MYO1E: variants seen among roughly 807,000 people sequenced by gnomAD.
MYO1E encodes myosin IE.
In MYO1E, 68 loss-of-function variants were observed where a neutral mutation model predicts 151.1. The observed-to-expected ratio is 0.45, with a 90% CI of 0.37 to 0.55. The LOEUF (loss-of-function observed/expected upper bound fraction) is 0.55. Ranked by LOEUF, MYO1E falls within the 20% of genes least tolerant of loss-of-function variation. The probability of loss-of-function intolerance (pLI) is 0.00; values close to 1 mark genes in which losing one functional copy is unlikely to be tolerated. For missense variants in MYO1E, 1,363 were observed against 1,389.3 expected (o/e 0.98, Z 0.30); for synonymous variants, 601 against 501.7 (o/e 1.20, Z -2.64).
At chr15:59,206,473 C>A (rs1408862551) in intron 14 of MYO1E, among the ~76,000 whole-genome samples, 9 of 152,188 alleles carry the variant, frequency 5.9e-5, no homozygotes, top group African/African-American at 2.2e-4. Flanking sequence ...AAAGCAGGCG[C>A]CCAATTCTGG....
chr15:59,240,628 A>G (rs1037580566), intron 4 of MYO1E, among the ~76,000 whole-genome samples: 1 of 152,184 alleles, frequency 6.6e-6, no homozygotes, highest in Admixed American at 6.5e-5. Context: ...GATATTCCCT[A>G]AAATAAGTAG....
chr15:59,168,477 C>T (rs1007648589), intron 22 of MYO1E, among the ~76,000 whole-genome samples: 17 of 151,886 alleles, frequency 1.1e-4, no homozygotes, highest in African/African-American at 1.9e-4. Context: ...ACCTGGAGGG[C>T]GAGGCTGCAG....
intron 17 of MYO1E, among the ~76,000 whole-genome samples, chr15:59,192,876 T>A (rs1307047042): frequency 5.3e-5 from 8 of 151,942 alleles, no homozygotes; most frequent in Non-Finnish European, 1.0e-4. Context: ...CAAGTGTGGG[T>A]ATGTGTGAGA....
Position 59,202,405 on chromosome 15 carries a change from G to T in MYO1E, c.1619C>A (p.Pro540His), listed in dbSNP as rs751350209. The T allele has an allele frequency of 1.2e-6, 2 of 1,613,626 alleles. No individual in the cohort carries two copies. Among genetic ancestry groups the T allele is most frequent in the East Asian group, 4.5e-5 (2 of 44,894 alleles). ...LIELMQSSEL[P>H]FIKSLFPENL... Reference sequence around the variant, plus strand: ...TTCCGGAAATAAAGACTTTATGAAAGGCCTGGAAAAGGAGAAAGAGAATGA... The same window carrying T: ...TTCCGGAAATAAAGACTTTATGAAATGCCTGGAAAAGGAGAAAGAGAATGA... Residue 540 changes from proline to histidine, a missense_variant and splice_region_variant, in exon 16 of 28, where the codon CCT (proline) becomes CAT (histidine). Transcript: ENST00000288235.
chr15:59,169,721 C>A lies in MYO1E; in HGVS notation c.2480+2176G>T, dbSNP rs139435255. 3.6e-3 allele frequency among the ~76,000 whole-genome samples: 543 copies of A among 152,232 alleles called. 4 individuals are homozygous for A. The highest frequency in any genetic ancestry group is 0.013 in the African/African-American group (522 of 41,520). On this transcript the variant is annotated intron_variant, in intron 22 of 27. Coordinates refer to ENST00000288235, the MANE Select transcript of MYO1E (RefSeq NM_004998.4). ...CTGGTGCTCCCATGACAGATTATAT[C>A]CCCAGAGGCTGTAAAAGAAGACAAT... is the stretch of plus-strand genomic sequence containing the variant.
intron 25 of MYO1E, among the ~76,000 whole-genome samples, chr15:59,154,258 A>G (rs941363077): frequency 3.9e-5 from 6 of 152,086 alleles, no homozygotes; most frequent in Admixed American, 3.9e-4. Flanking sequence ...CTGGACATCC[A>G]TTTTCGAGGG....
Position 59,319,303 on chromosome 15 carries a change from T to C in MYO1E, c.4-46854A>G, listed in dbSNP as rs540394711. Among the ~76,000 whole-genome samples, 3 of 152,118 alleles carry C rather than the reference T, an allele frequency of 2.0e-5. No individual in the cohort carries two copies. In the South Asian group the frequency reaches 6.2e-4, roughly 32 times the overall value. ...TCTAGCCTGGGCAACAGAGCAAGTC[T>C]CCATCTGAAAAAACGAAAAAAAGAA... On this transcript the variant is annotated intron_variant, in intron 1 of 27. Transcript: ENST00000288235.
At chr15:59,370,301 C>T (rs900087476) in intron 1 of MYO1E, among the ~76,000 whole-genome samples, 3 of 152,172 alleles carry the variant, frequency 2.0e-5, no homozygotes, top group African/African-American at 4.8e-5. Context: ...AATATTGTAA[C>T]TTGGGTTTCT....
Position 59,262,343 on chromosome 15 carries a change from G to A in MYO1E, c.148-834C>T, listed in dbSNP as rs556412542. 5.3e-5 allele frequency among the ~76,000 whole-genome samples: 8 copies of A among 152,280 alleles called. No homozygotes were observed. In the East Asian group the frequency reaches 1.5e-3, roughly 29 times the overall value. On this transcript the variant is annotated intron_variant, in intron 2 of 27. Coordinates refer to ENST00000288235, the MANE Select transcript of MYO1E (RefSeq NM_004998.4). ...TGAGGTAATTTTCTGGCCAGGTGCAGTGGCTCATGCCTGTCTGTACTCCCA... is the reference window on the plus strand; with the variant it reads ...TGAGGTAATTTTCTGGCCAGGTGCAATGGCTCATGCCTGTCTGTACTCCCA...
chr15:59,197,469 G>A (rs2079774877), intron 16 of MYO1E, among the ~76,000 whole-genome samples: 1 of 152,232 alleles, frequency 6.6e-6, no homozygotes, highest in Non-Finnish European at 1.5e-5. Flanking sequence ...CATTTACTGA[G>A]TTTGCAGTGC....
Position 59,372,603 on chromosome 15 carries a change from C to T in MYO1E, c.-103G>A. The T allele has an allele frequency of 7.0e-7, 1 of 1,422,162 alleles. No homozygotes were observed. Among genetic ancestry groups the T allele is most frequent in the Non-Finnish European group, 9.5e-7 (1 of 1,053,334 alleles). 88.1% of individuals were successfully genotyped at this position (1,422,162 alleles called of 1,614,324 possible). ...AACTTCAAAAGTTGGTTCCCCTCGC[C>T]AAAAACAGGCTCCCGACACCCAAGC... On this transcript the variant is annotated 5_prime_UTR_variant, in exon 1 of 28. Coordinates refer to ENST00000288235, the MANE Select transcript of MYO1E (RefSeq NM_004998.4).
chr15:59,302,527 G>GA (rs750808094), intron 1 of MYO1E, among the ~76,000 whole-genome samples: 3 of 152,150 alleles, frequency 2.0e-5, no homozygotes, highest in African/African-American at 4.8e-5. Context: ...AGGCCAGGAG[G>GA]AAAAGTTCTG....
At chr15:59,152,016 C>T (rs1355853681) in intron 26 of MYO1E, among the ~76,000 whole-genome samples, 3 of 151,376 alleles carry the variant, frequency 2.0e-5, no homozygotes, top group African/African-American at 2.4e-5. Context: ...TGCAGTGAGC[C>T]GAGATTGTGG....
chr15:59,355,313 A>C (rs1183962745), intron 1 of MYO1E, among the ~76,000 whole-genome samples: 2 of 152,168 alleles, frequency 1.3e-5, no homozygotes, highest in Non-Finnish European at 2.9e-5. Flanking sequence ...CAACTCCTCC[A>C]TTCCTTGTCT....
chr15:59,160,336 CGT>C (rs55633634), intron 24 of MYO1E, among the ~76,000 whole-genome samples: 51,289 of 119,752 alleles, frequency 0.43, 10,545 homozygotes, highest in South Asian at 0.55. Context: ...TGAGGTAGTG[CGT>C]GTGTGTGTGT....
Position 59,350,327 on chromosome 15 carries a change from C to T in MYO1E, c.3+22171G>A, listed in dbSNP as rs1312435438. On this transcript the variant is annotated intron_variant, in intron 1 of 27. Transcript: ENST00000288235. The surrounding 1 kb of genome is among the most constrained non-coding windows in gnomAD (Gnocchi z 5.0). ...ACACTCCAGCTAGAGGATACACTGACTCACAGTTTCATTACCTTCTATTCA... is the reference window on the plus strand; with the variant it reads ...ACACTCCAGCTAGAGGATACACTGATTCACAGTTTCATTACCTTCTATTCA... Among the ~76,000 whole-genome samples, 2 of 152,214 alleles carry T rather than the reference C, an allele frequency of 1.3e-5. No homozygotes were observed. Among genetic ancestry groups the T allele is most frequent in the Admixed American group, 1.3e-4 (2 of 15,286 alleles).
chr15:59,348,207 G>C (rs1301754179), intron 1 of MYO1E, among the ~76,000 whole-genome samples: 4 of 152,128 alleles, frequency 2.6e-5, no homozygotes, highest in Non-Finnish European at 4.4e-5. Flanking sequence ...AAACCCCCCA[G>C]GTGCTAGTCA....
intron 1 of MYO1E, among the ~76,000 whole-genome samples, chr15:59,331,208 A>G (rs1446020164): frequency 2.6e-5 from 4 of 152,210 alleles, no homozygotes; most frequent in South Asian, 2.1e-4. Context: ...TTACAGAAGA[A>G]TTTTGCTAAA....
intron 9 of MYO1E, among the ~76,000 whole-genome samples, chr15:59,220,470 A>G (rs2079947660): frequency 1.3e-5 from 2 of 152,188 alleles, no homozygotes; most frequent in Non-Finnish European, 2.9e-5. Context: ...AAAAAACAAA[A>G]TAAAACAAAA....
Sources: gnomAD v4.1 joint callset for allele counts (sites outside exome capture counted in the v4.1 genomes callset) on GRCh38, gnomAD v4.1.1 for gene constraint, Gnocchi (gnomAD v3.1) non-coding constraint, MANE v1.5 for transcripts, NCBI Gene and HGNC (gene_info 2026-07-23, HGNC 2026-07-21) for gene names.